The following ZNF438 variants were observed in gnomAD, a reference collection of about 807,000 sequenced individuals.
The protein encoded by ZNF438 is zinc finger protein 438.
ZNF438 carries 25 observed loss-of-function variants against 38.0 expected under a neutral mutation model. The ratio of observed to expected loss-of-function variants is 0.66; its 90% CI spans 0.48 to 0.92. The LOEUF is 0.92. ZNF438 is among the 40% of genes least tolerant of loss of function. ZNF438 has a pLI of 0.00. For synonymous variants in ZNF438, 372 were observed against 364.1 expected, an observed-to-expected ratio of 1.02 and a Z score of -0.25; for missense variants, 1,007 against 999.6, an observed-to-expected ratio of 1.01 and a Z score of -0.10.
chr10:30,881,557 T>C (rs1369223430), intron 3 of ZNF438, among the ~76,000 whole-genome samples: 2 of 152,156 alleles, frequency 1.3e-5, no homozygotes, highest in Non-Finnish European at 2.9e-5. Flanking sequence ...ATGGCAATTC[T>C]CTTCAAATAA....
At chr10:30,944,077 T>C (rs913338508) in intron 1 of ZNF438, among the ~76,000 whole-genome samples, 1 of 152,146 alleles carries the variant, frequency 6.6e-6, no homozygotes, top group Admixed American at 6.5e-5. Context: ...GCACGACTGC[T>C]TGGAAAAAGA....
chr10:30,990,072 G>C (rs963972823), intron 1 of ZNF438, among the ~76,000 whole-genome samples: 1 of 152,032 alleles, frequency 6.6e-6, no homozygotes, highest in Admixed American at 6.6e-5. Flanking sequence ...GGTAATACTT[G>C]AAATGAATTA....
intron 4 of ZNF438, among the ~76,000 whole-genome samples, chr10:30,869,802 T>A (rs927898030): frequency 6.6e-6 from 1 of 152,208 alleles, no homozygotes; most frequent in Admixed American, 6.5e-5. Flanking sequence ...AATGTTTCCA[T>A]ATGAATATCA....
At chr10:30,928,034 T>C (rs2045167815) in intron 2 of ZNF438, among the ~76,000 whole-genome samples, 1 of 152,204 alleles carries the variant, frequency 6.6e-6, no homozygotes, top group African/African-American at 2.4e-5. Flanking sequence ...TGGGTCTCCG[T>C]ACAATAAGGA....
chr10:30,853,001 CATAA>C (rs2033961212), intron 4 of ZNF438, among the ~76,000 whole-genome samples: 1 of 151,706 alleles, frequency 6.6e-6, no homozygotes, highest in Admixed American at 6.6e-5. Context: ...CAAAATAAGT[CATAA>C]ATAAACACTT....
Position 30,902,624 on chromosome 10 carries a change from C to T in ZNF438, c.-32+6309G>A, listed in dbSNP as rs146079757. 3.4e-3 allele frequency among the ~76,000 whole-genome samples: 520 copies of T among 151,930 alleles called. 3 individuals carry two copies. The highest frequency in any genetic ancestry group is 0.012 in the African/African-American group (496 of 41,462). On this transcript the variant is annotated intron_variant, in intron 3 of 5. Transcript: ENST00000413025. ...CCCACCAGATTAGCTAGACACAGAG[C>T]GCTGATTGGTGCATTTACAAACCTT... is the stretch of plus-strand genomic sequence containing the variant.
At chr10:30,939,123 C>T (rs2046556392) in intron 2 of ZNF438, among the ~76,000 whole-genome samples, 1 of 152,120 alleles carries the variant, frequency 6.6e-6, no homozygotes, top group Non-Finnish European at 1.5e-5. Context: ...CTTTTGTTCC[C>T]ACTTCCTAGC....
chr10:30,939,832 A>C (rs2046631561), intron 2 of ZNF438, among the ~76,000 whole-genome samples: 1 of 152,228 alleles, frequency 6.6e-6, no homozygotes, highest in African/African-American at 2.4e-5. Flanking sequence ...AGCATTGTAC[A>C]CCATGGCTGC....
rs768435612 is a variant in ZNF438 at position 30,849,529 on chromosome 10, C to T, written c.876G>A (p.Leu292=). The T allele has an allele frequency of 8.1e-6, 13 of 1,614,114 alleles. No homozygotes were observed. The Admixed American group carries it at 1.2e-4, about 14-fold the overall frequency. The change falls in exon 5 of 6, where the codon CTG becomes CTA. Residue 292 remains leucine (L), a synonymous_variant. Coordinates refer to ENST00000413025, the Ensembl canonical transcript of ZNF438. ...TCATTCTTGAGTAGGGTGGGATTGG[C>T]AGTTTCCCTTTGGGGACTGAAGAGA...
At chr10:30,944,574 T>C (rs2047164606) in intron 1 of ZNF438, among the ~76,000 whole-genome samples, 1 of 152,192 alleles carries the variant, frequency 6.6e-6, no homozygotes, top group South Asian at 2.1e-4. Context: ...AAGGACTTAA[T>C]AATGAGACCC....
At chr10:30,926,856 C>T (rs1267147826) in intron 2 of ZNF438, among the ~76,000 whole-genome samples, 1 of 152,128 alleles carries the variant, frequency 6.6e-6, no homozygotes, top group East Asian at 1.9e-4. Flanking sequence ...CTGAAAAAAA[C>T]TGGCCCATTA....
At chr10:30,970,299 A>T (rs1271608658) in intron 1 of ZNF438, among the ~76,000 whole-genome samples, 1 of 152,210 alleles carries the variant, frequency 6.6e-6, no homozygotes, top group Non-Finnish European at 1.5e-5. Context: ...AGTCTTTGGT[A>T]TAGAGGTGAA....
chr10:30,903,477 T>C (rs182229809), intron 3 of ZNF438, among the ~76,000 whole-genome samples: 66 of 152,358 alleles, frequency 4.3e-4, no homozygotes, highest in African/African-American at 1.5e-3. Flanking sequence ...TAAAACTACA[T>C]TCAGTCCAGA....
chr10:30,930,194 G>C (rs2045484190), intron 2 of ZNF438, among the ~76,000 whole-genome samples: 2 of 152,102 alleles, frequency 1.3e-5, no homozygotes, highest in African/African-American at 4.8e-5. Context: ...CAGGCATGGT[G>C]GGTTGCAGGT....
At chr10:30,957,755 AT>A (rs1373359623) in intron 1 of ZNF438, among the ~76,000 whole-genome samples, 3 of 152,148 alleles carry the variant, frequency 2.0e-5, no homozygotes, top group African/African-American at 7.2e-5. Context: ...CTATTGGTTA[AT>A]ATTCTTTGGG....
chr10:30,901,028 A>G (rs2041912077), intron 3 of ZNF438, among the ~76,000 whole-genome samples: 1 of 152,204 alleles, frequency 6.6e-6, no homozygotes, highest in Non-Finnish European at 1.5e-5. Flanking sequence ...TTCTCCTAAT[A>G]CAAATTTGCC....
intron 1 of ZNF438, among the ~76,000 whole-genome samples, chr10:31,031,499 G>A (rs1462267977): frequency 6.6e-6 from 1 of 152,208 alleles, no homozygotes; most frequent in African/African-American, 2.4e-5. Context: ...GGGAAGAAAA[G>A]GAATCTAAGT....
At chr10:30,872,056 T>C (rs921202292) in intron 4 of ZNF438, among the ~76,000 whole-genome samples, 3 of 152,108 alleles carry the variant, frequency 2.0e-5, no homozygotes, top group Admixed American at 6.5e-5. Context: ...AGAAGACTTG[T>C]CTAGGAAATG....
At chr10:30,951,956 C>G (rs550373439) in intron 1 of ZNF438, among the ~76,000 whole-genome samples, 11 of 151,160 alleles carry the variant, frequency 7.3e-5, no homozygotes, top group Non-Finnish European at 1.3e-4. Context: ...AATCCTAAGC[C>G]AAAAGAACAA....
Sources: gnomAD v4.1 joint callset for allele counts (sites outside exome capture counted in the v4.1 genomes callset) on GRCh38, gnomAD v4.1.1 for gene constraint, MANE v1.5 for transcripts, NCBI Gene and HGNC (gene_info 2026-07-23, HGNC 2026-07-21) for gene names.